WWOX: variants seen among roughly 807,000 people sequenced by gnomAD.
WWOX encodes the protein WW domain-containing oxidoreductase.
WWOX carries 69 observed loss-of-function variants against 46.2 expected under a neutral mutation model. The observed-to-expected ratio is 1.49, with a 90% CI of 1.23 to 1.82. The LOEUF (loss-of-function observed/expected upper bound fraction) is 1.82. WWOX is among the 40% of genes most tolerant of loss of function. The pLI is 0.00. For missense variants in WWOX, 919 were observed against 542.6 expected (o/e 1.69, Z -6.89); for synonymous variants, 359 against 202.6 (o/e 1.77, Z -6.56).
At chr16:78,744,072 G>T (rs748176443) in intron 8 of WWOX, among the ~76,000 whole-genome samples, 3 of 152,120 alleles carry the variant, frequency 2.0e-5, no homozygotes, top group Non-Finnish European at 2.9e-5. Flanking sequence ...GTAACATAAT[G>T]AATGTCTGGA....
At position 79,212,353 on chromosome 16, in the gene WWOX, A is replaced by T; in HGVS notation, c.*557A>T. ...CCCAGCCAGTGAGGATGACAGTGAC[A>T]CCCAGAGGGAGTAGAATACGCAGAA... On this transcript the variant is annotated 3_prime_UTR_variant, in exon 9 of 9. Transcript: ENST00000566780. 1 of 601,266 alleles carries T rather than the reference A, an allele frequency of 1.7e-6. No homozygotes were observed. The highest frequency in any genetic ancestry group is 2.8e-6 in the Non-Finnish European group (1 of 360,738). 37.2% of individuals were successfully genotyped at this position (601,266 alleles called of 1,614,324 possible). A position where few individuals can be genotyped will look rare whatever the true frequency, so the allele number is the denominator to read the frequency against.
chr16:78,764,194 G>T (rs1457633910), intron 8 of WWOX, among the ~76,000 whole-genome samples: 1 of 152,076 alleles, frequency 6.6e-6, no homozygotes. Context: ...ATTGTTCTCA[G>T]TCTTCCGGCT....
At chr16:79,063,694 C>G (rs28545210) in intron 8 of WWOX, among the ~76,000 whole-genome samples, 3,752 of 152,106 alleles carry the variant, frequency 0.025, 62 homozygotes, top group Middle Eastern at 0.044. Flanking sequence ...GCCAGCACCT[C>G]AAGAAACCTC....
At chr16:78,626,565 G>A (rs1057250931) in intron 8 of WWOX, among the ~76,000 whole-genome samples, 1 of 152,166 alleles carries the variant, frequency 6.6e-6, no homozygotes, top group South Asian at 2.1e-4. Context: ...ACTCTTCACT[G>A]TTGATGGTGA....
At chr16:78,948,782 C>G (rs2045999491) in intron 8 of WWOX, among the ~76,000 whole-genome samples, 1 of 151,990 alleles carries the variant, frequency 6.6e-6, no homozygotes, top group African/African-American at 2.4e-5. Context: ...ACAAAAGGGA[C>G]CTTGCAGATG....
chr16:79,189,733 C>T (rs376688383), intron 8 of WWOX, among the ~76,000 whole-genome samples: 4 of 151,808 alleles, frequency 2.6e-5, no homozygotes, highest in African/African-American at 7.3e-5. Context: ...GGTTTCATCC[C>T]GCCGTGTTCA....
At chr16:78,887,603 AAAATCCATC>A (rs1265121136) in intron 8 of WWOX, among the ~76,000 whole-genome samples, 1 of 152,084 alleles carries the variant, frequency 6.6e-6, no homozygotes, top group African/African-American at 2.4e-5. Flanking sequence ...TGAAAATGCC[AAAATCCATC>A]AGCCAATGTG....
chr16:78,680,893 T>C (rs2047714261), intron 8 of WWOX, among the ~76,000 whole-genome samples: 1 of 151,960 alleles, frequency 6.6e-6, no homozygotes, highest in African/African-American at 2.4e-5. Context: ...GGAGGAAAGT[T>C]TGAGCCTAGG....
At chr16:78,952,767 C>G (rs577963075) in intron 8 of WWOX, among the ~76,000 whole-genome samples, 3 of 152,126 alleles carry the variant, frequency 2.0e-5, no homozygotes, top group South Asian at 4.1e-4. Context: ...GGTTCCCCAA[C>G]GTATCCCTAC....
At chr16:78,275,054 G>A (rs1241814062) in intron 5 of WWOX, among the ~76,000 whole-genome samples, 1 of 152,118 alleles carries the variant, frequency 6.6e-6, no homozygotes, top group Non-Finnish European at 1.5e-5. Flanking sequence ...GATATAACAG[G>A]TTTTTTTCTT....
chr16:78,674,743 C>A (rs1321767597), intron 8 of WWOX, among the ~76,000 whole-genome samples: 1 of 152,038 alleles, frequency 6.6e-6, no homozygotes, highest in Non-Finnish European at 1.5e-5. Flanking sequence ...TTCACTATGA[C>A]TGCAACTGAA....
chr16:78,725,344 C>CTTTTTT (rs1220702069), intron 8 of WWOX, among the ~76,000 whole-genome samples: 327 of 61,828 alleles, frequency 5.3e-3, no homozygotes, highest in East Asian at 7.7e-3. Context: ...CTTTTCTTTT[C>CTTTTTT]TTTTTTTTTT....
chr16:78,620,580 G>T (rs1233014590), intron 8 of WWOX, among the ~76,000 whole-genome samples: 2 of 152,144 alleles, frequency 1.3e-5, no homozygotes, highest in Non-Finnish European at 2.9e-5. Context: ...CCTTATCTGG[G>T]ACTCTTGTCC....
At chr16:79,058,309 C>T (rs930050001) in intron 8 of WWOX, among the ~76,000 whole-genome samples, 3 of 152,038 alleles carry the variant, frequency 2.0e-5, no homozygotes, top group Non-Finnish European at 2.9e-5. Flanking sequence ...AAAATAATTC[C>T]TAGATCTAGA....
At chr16:78,658,701 G>A (rs556338088) in intron 8 of WWOX, among the ~76,000 whole-genome samples, 1 of 152,036 alleles carries the variant, frequency 6.6e-6, no homozygotes, top group Admixed American at 6.6e-5. Context: ...TTTTCCTATA[G>A]GGACTCAAGT....
intron 8 of WWOX, among the ~76,000 whole-genome samples, chr16:78,470,495 C>G (rs998059395): frequency 3.3e-5 from 5 of 151,974 alleles, no homozygotes; most frequent in East Asian, 3.9e-4. Flanking sequence ...AGACCCCACT[C>G]TTTTATTTTC....
intron 8 of WWOX, among the ~76,000 whole-genome samples, chr16:78,756,164 A>G (rs1469546166): frequency 6.6e-6 from 1 of 152,196 alleles, no homozygotes. Context: ...TTGAATTTCT[A>G]GTATGTACTG....
intron 8 of WWOX, among the ~76,000 whole-genome samples, chr16:78,526,812 G>A (rs566561695): frequency 3.9e-5 from 6 of 152,196 alleles, no homozygotes; most frequent in African/African-American, 7.2e-5. Context: ...GAGGGTGGCA[G>A]TGATCTTGAG....
intron 8 of WWOX, among the ~76,000 whole-genome samples, chr16:78,649,072 C>G (rs183739014): frequency 2.4e-4 from 37 of 152,248 alleles, no homozygotes; most frequent in African/African-American, 8.9e-4. Flanking sequence ...CTCCCAGGTT[C>G]AAGGGATTCT....
Sources: allele counts gnomAD v4.1 joint callset (sites outside exome capture counted in the v4.1 genomes callset), GRCh38; gene constraint gnomAD v4.1.1; transcripts MANE v1.5; gene names NCBI Gene and HGNC (gene_info 2026-07-23, HGNC 2026-07-21).